The following TEX36 variants were observed in gnomAD, a reference collection of about 807,000 sequenced individuals.
TEX36 encodes testis-expressed protein 36.
In TEX36, 12 loss-of-function variants were observed where a neutral mutation model predicts 13.6. That is an observed-to-expected ratio of 0.88 (90% confidence interval 0.56 to 1.43). TEX36 has a LOEUF of 1.43. TEX36 is among the 40% of genes most tolerant of loss of function. The probability of loss-of-function intolerance (pLI) is 0.00; values close to 1 mark genes in which losing one functional copy is unlikely to be tolerated. For missense variants in TEX36, 224 were observed against 228.3 expected, an observed-to-expected ratio of 0.98 and a Z score of 0.12; for synonymous variants, 93 against 83.0, an observed-to-expected ratio of 1.12 and a Z score of -0.65.
At position 125,677,280 on chromosome 10, in the gene TEX36, G is replaced by A. The variant is rs1847327102; in HGVS notation, c.51+5659C>T. On this transcript the variant is annotated intron_variant, in intron 1 of 3. Coordinates refer to ENST00000368821, the MANE Select transcript of TEX36 (RefSeq NM_001128202.3). ...TTGGGAAGTTTTTATCTATTATTGT[G>A]TTAAATAGGTTTTCTAATCTTTTCT... Among the ~76,000 whole-genome samples the A allele has an allele frequency of 2.0e-5, 3 of 152,152 alleles. No homozygotes were observed. The South Asian group carries it at 6.2e-4, about 32-fold the overall frequency.
At chr10:125,637,961 T>C (rs1239667930) in intron 3 of TEX36, among the ~76,000 whole-genome samples, 3 of 151,366 alleles carry the variant, frequency 2.0e-5, no homozygotes, top group African/African-American at 7.3e-5. Flanking sequence ...CAACTTCCCC[T>C]TGGTGATGGC....
chr10:125,609,744 C>T (rs1336955849), intron 3 of TEX36, among the ~76,000 whole-genome samples: 3 of 152,188 alleles, frequency 2.0e-5, no homozygotes, highest in Non-Finnish European at 4.4e-5. Flanking sequence ...GCAGCAACCC[C>T]ATCCTAACTC....
At chr10:125,650,996 C>A (rs1846843920), downstream of TEX36, among the ~76,000 whole-genome samples, 1 of 152,152 alleles carries the variant, frequency 6.6e-6, no homozygotes, top group East Asian at 1.9e-4. Flanking sequence ...GAAATTGAGG[C>A]AATAATTAAT....
chr10:125,604,728 C>T (rs1297629388), intron 3 of TEX36, among the ~76,000 whole-genome samples: 3 of 152,092 alleles, frequency 2.0e-5, no homozygotes, highest in Non-Finnish European at 4.4e-5. Context: ...AGAAGAATTG[C>T]TTGAACCCAG....
At chr10:125,589,936 G>C (rs991562006) in intron 3 of TEX36, among the ~76,000 whole-genome samples, 1 of 152,096 alleles carries the variant, frequency 6.6e-6, no homozygotes, top group Non-Finnish European at 1.5e-5. Context: ...TTGTTCTTGG[G>C]CAATCTTCAT....
chr10:125,614,271 A>C (rs1275980660), intron 3 of TEX36, among the ~76,000 whole-genome samples: 1 of 152,080 alleles, frequency 6.6e-6, no homozygotes, highest in Non-Finnish European at 1.5e-5. Flanking sequence ...GCTGTGCAGA[A>C]GCTCTTTAGC....
intron 3 of TEX36, among the ~76,000 whole-genome samples, chr10:125,581,059 A>G (rs990621089): frequency 1.3e-5 from 2 of 152,132 alleles, no homozygotes; most frequent in African/African-American, 2.4e-5. Flanking sequence ...TGCCCACTCC[A>G]TAGCCCCGGC....
In TEX36 at chr10:125,587,206, T is replaced by C. The variant is rs1007687323; in HGVS notation, c.265-10332A>G. On this transcript the variant is annotated intron_variant, in intron 3 of 3. Coordinates refer to the TEX36 transcript ENST00000532135. The stretch of plus-strand genomic sequence containing the variant: ...TTCTTTACAGCAGTACAAGAACAAA[T>C]TCACTGGGTGTGGTGGTGTGCTCCT... 2.0e-5 allele frequency among the ~76,000 whole-genome samples: 3 copies of C among 152,250 alleles called. No individual in the cohort carries two copies. In the East Asian group the frequency reaches 5.8e-4, roughly 29 times the overall value.
At chr10:125,642,311 T>C (rs1383330978) in intron 3 of TEX36, among the ~76,000 whole-genome samples, 1 of 152,178 alleles carries the variant, frequency 6.6e-6, no homozygotes, top group African/African-American at 2.4e-5. Flanking sequence ...GATATGAGCT[T>C]GAGAGTTATG....
At chr10:125,660,301 G>A (rs1260230809) in intron 3 of TEX36, among the ~76,000 whole-genome samples, 2 of 151,912 alleles carry the variant, frequency 1.3e-5, no homozygotes, top group Non-Finnish European at 2.9e-5. Flanking sequence ...ATTTTTTAAT[G>A]TTTTGTAGAC....
chr10:125,651,211 C>T (rs929819194), downstream of TEX36, among the ~76,000 whole-genome samples: 4 of 152,092 alleles, frequency 2.6e-5, no homozygotes, highest in African/African-American at 9.7e-5. Context: ...AATTTTAGAC[C>T]AATATCCCTG....
intron 3 of TEX36, among the ~76,000 whole-genome samples, chr10:125,577,318 G>A (rs758580679): frequency 4.6e-5 from 7 of 152,126 alleles, no homozygotes; most frequent in Non-Finnish European, 5.9e-5. Context: ...GAAACATGGC[G>A]AAACCCTGTC....
intron 1 of TEX36, among the ~76,000 whole-genome samples, chr10:125,664,479 TGAATTA>T (rs1202121100): frequency 6.6e-6 from 1 of 152,216 alleles, no homozygotes; most frequent in African/African-American, 2.4e-5. Flanking sequence ...CAAATCATCT[TGAATTA>T]GAATCCCCAA....
At chr10:125,630,338 C>T (rs187193103) in intron 3 of TEX36, among the ~76,000 whole-genome samples, 9 of 152,306 alleles carry the variant, frequency 5.9e-5, no homozygotes, top group Admixed American at 3.3e-4. Flanking sequence ...GGGCTGGATA[C>T]ACTTGAAGGC....
chr10:125,578,683 C>T (rs1438914410), intron 3 of TEX36, among the ~76,000 whole-genome samples: 3 of 152,124 alleles, frequency 2.0e-5, no homozygotes, highest in African/African-American at 7.2e-5. Flanking sequence ...GTGGCTCTAC[C>T]TCTAGAATCT....
chr10:125,591,256 T>C (rs150032613), intron 3 of TEX36, among the ~76,000 whole-genome samples: 66 of 152,356 alleles, frequency 4.3e-4, no homozygotes, highest in African/African-American at 1.5e-3. Flanking sequence ...GAGCGTTTGA[T>C]GTCATCTATA....
intron 3 of TEX36, among the ~76,000 whole-genome samples, chr10:125,605,161 G>A (rs764553277): frequency 1.2e-4 from 18 of 152,312 alleles, no homozygotes; most frequent in Non-Finnish European, 1.6e-4. Context: ...GGCACAGCAC[G>A]CAGGGCAGCT....
At chr10:125,600,110 G>A (rs1846127863) in intron 3 of TEX36, among the ~76,000 whole-genome samples, 1 of 152,236 alleles carries the variant, frequency 6.6e-6, no homozygotes, top group South Asian at 2.1e-4. Context: ...TCCCTGCCCA[G>A]AGCAGAGGAG....
intron 3 of TEX36, among the ~76,000 whole-genome samples, chr10:125,627,677 C>T (rs1415802650): frequency 6.6e-6 from 1 of 152,160 alleles, no homozygotes; most frequent in East Asian, 1.9e-4. Flanking sequence ...TTTTGTTCAA[C>T]AAATATACAA....
Sources: gnomAD v4.1 joint callset for allele counts (sites outside exome capture counted in the v4.1 genomes callset) on GRCh38, gnomAD v4.1.1 for gene constraint, MANE v1.5 for transcripts, NCBI Gene and HGNC (gene_info 2026-07-23, HGNC 2026-07-21) for gene names.